Variants in PSG3 observed in about 807,000 individuals in gnomAD.
The protein encoded by PSG3 is pregnancy-specific beta-1-glycoprotein 3.
Under a neutral mutation model 47.5 loss-of-function variants are expected in PSG3, and 61 were observed. The observed-to-expected ratio is 1.28, with a 90% CI of 1.05 to 1.59. PSG3 has a LOEUF of 1.59. Ranked by LOEUF, PSG3 falls within the 40% of genes most tolerant of loss-of-function variation. PSG3 has a pLI of 0.00. For synonymous variants in PSG3, 263 were observed against 198.4 expected (o/e 1.33, Z -2.74); for missense variants, 756 against 524.0 (o/e 1.44, Z -4.32).
intron 5 of PSG3, among the ~76,000 whole-genome samples, chr19:42,728,792 G>A (rs1969415946): frequency 2.0e-5 from 3 of 152,304 alleles, no homozygotes; most frequent in African/African-American, 7.2e-5. Flanking sequence ...TGGCAGAAGG[G>A]GATGTGTTGG....
At chr19:42,740,009 G>A (rs959351505) in intron 1 of PSG3, among the ~76,000 whole-genome samples, 20 of 151,358 alleles carry the variant, frequency 1.3e-4, no homozygotes, top group South Asian at 4.2e-4. Context: ...CTGGCGTGCA[G>A]TGGCACTATC....
intron 2 of PSG3, 53 bp downstream of exon 2, chr19:42,738,671 G>C: frequency 6.2e-7 from 1 of 1,612,272 alleles, no homozygotes; most frequent in South Asian, 1.1e-5. Context: ...TCCTTTGTGT[G>C]TGAAGTAAAG....
chr19:42,735,021 C>G lies in PSG3; in HGVS notation c.431-1959G>C, dbSNP rs184919767. Reference sequence around the variant, plus strand: ...CACGCAGAACTCCAACTTATGAAAACGGCATCATCATGAGGAAACAGTTGT... The same window carrying G: ...CACGCAGAACTCCAACTTATGAAAAGGGCATCATCATGAGGAAACAGTTGT... On this transcript the variant is annotated intron_variant, in intron 2 of 6. Transcript: ENST00000327495. Among the ~76,000 whole-genome samples the G allele has an allele frequency of 3.3e-4, 51 of 152,298 alleles. 1 individual carries two copies. The highest frequency in any genetic ancestry group is 8.9e-4 in the African/African-American group (37 of 41,550).
chr19:42,727,233 G>A (rs1240075608), intron 5 of PSG3, among the ~76,000 whole-genome samples: 1 of 152,064 alleles, frequency 6.6e-6, no homozygotes, highest in Non-Finnish European at 1.5e-5. Context: ...AACAACAAAA[G>A]CATAGGCAAC....
chr19:42,732,000 C>T (rs1969479857), intron 3 of PSG3: 1 of 151,790 alleles, frequency 6.6e-6, no homozygotes, highest in African/African-American at 2.4e-5. Context: ...GGTTTTGGAG[C>T]AGAAACATAT....
chr19:42,725,660 A>G (rs1228544803), intron 5 of PSG3, among the ~76,000 whole-genome samples: 2 of 152,080 alleles, frequency 1.3e-5, no homozygotes, highest in African/African-American at 4.8e-5. Flanking sequence ...AGGTGTTTGG[A>G]CCAGCATAGG....
Position 42,729,189 on chromosome 19 carries a change from C to G in PSG3, c.1177G>C (p.Ala393Pro), listed in dbSNP as rs1391293818. 6.2e-7 allele frequency: 1 copy of G among 1,613,984 alleles called. No individual in the cohort carries two copies. Among genetic ancestry groups the G allele is most frequent in the Admixed American group, 1.7e-5 (1 of 60,014 alleles). Reference protein sequence around the residue: ...QITTKHSGLYACSVRNSATGM... With the variant: ...QITTKHSGLYPCSVRNSATGM... ...GTGGCTGAGTTACGAACAGAGCAAG[C>G]ATAGAGCCCGCTATGCTTTGTAGTA... Residue 393 changes from alanine (A) to proline (P), a missense_variant, in exon 5 of 7, where the codon GCT becomes CCT. Transcript: ENST00000327495.
intron 5 of PSG3, among the ~76,000 whole-genome samples, chr19:42,728,610 C>G (rs995956599): frequency 1.3e-5 from 2 of 152,214 alleles, no homozygotes; most frequent in Admixed American, 6.5e-5. Context: ...CAGGTGGAGT[C>G]AGGCAGGGCC....
chr19:42,740,323 G>A lies in PSG3; in HGVS notation c.62C>T (p.Thr21Ile), dbSNP rs748181353. ...QRITWKGLLLTALLLNFWNLP... is the reference protein window; with the variant it reads ...QRITWKGLLLIALLLNFWNLP... Reference sequence around the variant, plus strand: ...CTCCCAGGAAGTTCTCTCCTCACCTGTGAGCAGGAGCCCCTTCCAGGTGAT... The same window carrying A: ...CTCCCAGGAAGTTCTCTCCTCACCTATGAGCAGGAGCCCCTTCCAGGTGAT... Residue 21 changes from threonine (T) to isoleucine (I), a missense_variant and splice_region_variant, in exon 1 of 7, where the codon ACA becomes ATA. By Grantham distance (89) the Thr-to-Ile change is moderately conservative (BLOSUM62 -1). Coordinates refer to ENST00000327495, the MANE Select transcript of PSG3 (RefSeq NM_021016.4). 8 of 1,613,790 alleles carry A rather than the reference G, an allele frequency of 5.0e-6. No individual in the cohort carries two copies. The African/African-American group carries it at 9.3e-5, about 19-fold the overall frequency.
At chr19:42,725,883 C>CAACAACCA (rs1360047101) in intron 5 of PSG3, among the ~76,000 whole-genome samples, 3 of 66,312 alleles carry the variant, frequency 4.5e-5, no homozygotes, top group African/African-American at 3.2e-4. Context: ...TCTTCAACAA[C>CAACAACCA]AACAACCAAA....
At chr19:42,736,609 C>T (rs1386583852) in intron 2 of PSG3, among the ~76,000 whole-genome samples, 3 of 114,460 alleles carry the variant, frequency 2.6e-5, no homozygotes, top group Non-Finnish European at 5.0e-5. Context: ...CATTTCAATA[C>T]ATTTGTGTGT....
intron 5 of PSG3, among the ~76,000 whole-genome samples, chr19:42,728,559 C>G (rs1387203885): frequency 6.6e-6 from 1 of 152,208 alleles, no homozygotes; most frequent in Non-Finnish European, 1.5e-5. Context: ...AAATTCAGGA[C>G]AGGCCACCAG....
intron 2 of PSG3, among the ~76,000 whole-genome samples, chr19:42,737,354 T>C (rs191815779): frequency 3.3e-5 from 5 of 152,254 alleles, no homozygotes; most frequent in Admixed American, 2.6e-4. Context: ...TTTCTTCATT[T>C]GTTATGTAAG....
chr19:42,738,695 A>G lies in PSG3; in HGVS notation c.430+29T>C, dbSNP rs1332075263. ...TGTGAAGTAAAGACCCCATCCCCCAACACCCAGTGATCACGTGGAGTCACT... is the reference window on the plus strand; with the variant it reads ...TGTGAAGTAAAGACCCCATCCCCCAGCACCCAGTGATCACGTGGAGTCACT... On this transcript the variant is annotated intron_variant, in intron 2 of 6. Transcript: ENST00000327495. The G allele has an allele frequency of 1.9e-6, 3 of 1,612,692 alleles. No individual in the cohort carries two copies. The East Asian group carries it at 6.7e-5, about 36-fold the overall frequency.
Position 42,740,464 on chromosome 19 carries a change from G to A in PSG3, c.-80C>T. Reference sequence around the variant, plus strand: ...CTTCCTGAGCATGGCTCTCAGCTGTGCTGTCCTTCCTCCTTCTGCGCTGAG... The same window carrying A: ...CTTCCTGAGCATGGCTCTCAGCTGTACTGTCCTTCCTCCTTCTGCGCTGAG... On this transcript the variant is annotated 5_prime_UTR_variant, in exon 1 of 7. Transcript: ENST00000327495. 6.2e-7 allele frequency: 1 copy of A among 1,612,032 alleles called. No homozygotes were observed. Among genetic ancestry groups the A allele is most frequent in the Non-Finnish European group, 8.5e-7 (1 of 1,179,142 alleles).
chr19:42,723,624 A>T lies in PSG3; in HGVS notation c.*40+318T>A, dbSNP rs563876982. On this transcript the variant is annotated intron_variant, in intron 6 of 6. Transcript: ENST00000327495. ...TTGAGAAGTGGTTGAGCTTTATGGG[A>T]ATGGAGAGAATTACACTATTGAGAG... Among the ~76,000 whole-genome samples the T allele has an allele frequency of 2.4e-4, 37 of 152,328 alleles. No individual in the cohort carries two copies. The South Asian group carries it at 5.2e-3, about 21-fold the overall frequency.
At chr19:42,737,869 C>T (rs886307476) in intron 2 of PSG3, among the ~76,000 whole-genome samples, 1 of 152,206 alleles carries the variant, frequency 6.6e-6, no homozygotes, top group Non-Finnish European at 1.5e-5. Context: ...TTCATGCTAT[C>T]TGTGAATAAA....
chr19:42,736,887 G>T (rs1969573264), intron 2 of PSG3, among the ~76,000 whole-genome samples: 1 of 152,106 alleles, frequency 6.6e-6, no homozygotes, highest in Admixed American at 6.5e-5. Context: ...TTCCTGGGAG[G>T]TGGGCCAGGC....
At chr19:42,735,060 A>T (rs552693362) in intron 2 of PSG3, among the ~76,000 whole-genome samples, 27 of 152,370 alleles carry the variant, frequency 1.8e-4, no homozygotes, top group African/African-American at 6.3e-4. Context: ...TGGCACAGGC[A>T]GTAAAGCCAT....
Sources: gnomAD v4.1 joint callset for allele counts (sites outside exome capture counted in the v4.1 genomes callset) on GRCh38, gnomAD v4.1.1 for gene constraint, MANE v1.5 for transcripts, NCBI Gene and HGNC (gene_info 2026-07-23, HGNC 2026-07-21) for gene names.